FER: variants seen among roughly 807,000 people sequenced by gnomAD.
FER encodes tyrosine-protein kinase Fer.
A neutral mutation model predicts 111.0 loss-of-function variants in FER; 63 were observed. The observed-to-expected ratio is 0.57, with a 90% CI of 0.46 to 0.70. The LOEUF (loss-of-function observed/expected upper bound fraction) is 0.70, where lower values mean the gene tolerates loss of function less well. Among genes scored for constraint, FER ranks in the 30% least tolerant of loss-of-function variants. The pLI, the probability that FER is intolerant of heterozygous loss-of-function variation, is 0.00. For missense variants in FER, 914 were observed against 954.0 expected (o/e 0.96, Z 0.55); for synonymous variants, 327 against 313.9 (o/e 1.04, Z -0.44).
chr5:108,847,090 G>A (rs555730193), intron 5 of FER, among the ~76,000 whole-genome samples: 1 of 150,158 alleles, frequency 6.7e-6, no homozygotes, highest in Admixed American at 6.6e-5. Context: ...GGAAGCTGAG[G>A]TCATTGATTT....
intron 1 of FER, among the ~76,000 whole-genome samples, chr5:108,756,866 A>G (rs1310174000): frequency 1.3e-5 from 2 of 152,184 alleles, no homozygotes; most frequent in Non-Finnish European, 2.9e-5. Flanking sequence ...GTTTCTGTCA[A>G]TATAAGTCTT....
intron 17 of FER, among the ~76,000 whole-genome samples, chr5:109,140,461 G>T (rs138156794): frequency 1.3e-5 from 2 of 152,252 alleles, no homozygotes; most frequent in East Asian, 3.9e-4. Context: ...GTGGTGTGTT[G>T]CTATGAGCCC....
chr5:108,972,663 A>T (rs1447810092), intron 13 of FER, among the ~76,000 whole-genome samples: 1 of 152,150 alleles, frequency 6.6e-6, no homozygotes, highest in East Asian at 1.9e-4. Flanking sequence ...TGTAATATAC[A>T]TTCAGTAAAT....
chr5:109,117,343 A>T (rs532219820), intron 17 of FER, among the ~76,000 whole-genome samples: 14 of 152,172 alleles, frequency 9.2e-5, no homozygotes, highest in African/African-American at 3.4e-4. Context: ...AATTCTCTAC[A>T]CCCTATAATT....
chr5:108,880,307 T>G (rs556240281), intron 8 of FER, among the ~76,000 whole-genome samples: 3 of 152,242 alleles, frequency 2.0e-5, no homozygotes, highest in African/African-American at 7.2e-5. Context: ...AGGCTTTTTA[T>G]TAAATTCAGC....
chr5:109,014,742 T>G (rs1426333994), intron 13 of FER: 1 of 152,216 alleles, frequency 6.6e-6, no homozygotes, highest in Non-Finnish European at 1.5e-5. Context: ...TTTGTTTGTA[T>G]CCTCTTTTAT....
At chr5:109,126,361 A>G (rs1233502399) in intron 17 of FER, among the ~76,000 whole-genome samples, 1 of 151,866 alleles carries the variant, frequency 6.6e-6, no homozygotes, top group Non-Finnish European at 1.5e-5. Context: ...CAGGAGCAAT[A>G]CTCTTTTGCT....
chr5:108,978,403 T>A (rs1761641403), intron 13 of FER, among the ~76,000 whole-genome samples: 1 of 152,208 alleles, frequency 6.6e-6, no homozygotes, highest in Admixed American at 6.5e-5. Flanking sequence ...GGTCTGTTAT[T>A]TCATACCTTT....
At chr5:109,059,858 T>C (rs954581359) in intron 16 of FER, among the ~76,000 whole-genome samples, 1 of 152,216 alleles carries the variant, frequency 6.6e-6, no homozygotes, top group Admixed American at 6.5e-5. Flanking sequence ...AAAACCTCTG[T>C]CCGTGCAAAT....
At position 108,936,761 on chromosome 5, in the gene FER, A is replaced by G. The variant is rs563983724; in HGVS notation, c.1237-9369A>G. ...CTTTCTTGAACTTGTTTTATTAAGA[A>G]GTTAAATATTCTCTGTATTAACACT... On this transcript the variant is annotated intron_variant, in intron 10 of 19. Transcript: ENST00000281092. Among the ~76,000 whole-genome samples, 3 of 152,182 alleles carry G rather than the reference A, an allele frequency of 2.0e-5. No homozygotes were observed. In the East Asian group the frequency reaches 5.8e-4, roughly 29 times the overall value.
intron 10 of FER, among the ~76,000 whole-genome samples, chr5:108,904,838 A>G (rs942707585): frequency 3.3e-5 from 5 of 152,142 alleles, no homozygotes; most frequent in Non-Finnish European, 7.4e-5. Flanking sequence ...TTTGTAGATG[A>G]GTAAATTTTT....
intron 13 of FER, among the ~76,000 whole-genome samples, chr5:109,028,388 T>C (rs1409749615): frequency 3.9e-5 from 6 of 152,214 alleles, no homozygotes; most frequent in Non-Finnish European, 1.5e-5. Flanking sequence ...AAACTTAAAA[T>C]AGAATTTATA....
chr5:109,044,161 T>C (rs999680027), intron 14 of FER, among the ~76,000 whole-genome samples: 14 of 149,902 alleles, frequency 9.3e-5, no homozygotes, highest in African/African-American at 3.5e-4. Context: ...TCTTCTAAAA[T>C]AAATACACTA....
Position 108,867,905 on chromosome 5 carries a change from T to A in FER, c.620T>A (p.Leu207His). The change falls in exon 6 of 20, where the codon CTT becomes CAT. Residue 207 changes from leucine (L) to histidine (H), a missense_variant. Physicochemically the swap from Leu to His is moderately conservative, Grantham distance 99. Around this residue, in one of 3 missense-constraint regions of FER, gnomAD observed 774 missense variants for 782.6 expected, o/e 0.99. Transcript: ENST00000281092. ...TATTATGATATCACACTTCCCCTGCTTCTGGACTCCTTACAAAAGATGCAA... is the reference window on the plus strand; with the variant it reads ...TATTATGATATCACACTTCCCCTGCATCTGGACTCCTTACAAAAGATGCAA... ...NQYYDITLPLLLDSLQKMQEE... is the reference protein window; with the variant it reads ...NQYYDITLPLHLDSLQKMQEE... 1 of 1,612,874 alleles carries A rather than the reference T, an allele frequency of 6.2e-7. No individual in the cohort carries two copies. The highest frequency in any genetic ancestry group is 8.5e-7 in the Non-Finnish European group (1 of 1,179,410).
intron 1 of FER, among the ~76,000 whole-genome samples, chr5:108,760,896 T>C (rs56195269): frequency 0.022 from 3,332 of 152,274 alleles, 117 homozygotes; most frequent in African/African-American, 0.077. Flanking sequence ...TGTGGGTGTT[T>C]GGTTCAAGAG....
chr5:108,950,067 T>TAGAA (rs937028678), intron 11 of FER, among the ~76,000 whole-genome samples: 5 of 152,080 alleles, frequency 3.3e-5, no homozygotes, highest in African/African-American at 9.6e-5. Flanking sequence ...GCAGAATTGT[T>TAGAA]AGAAAGAAAG....
chr5:109,008,616 C>T (rs1316273379), intron 13 of FER, among the ~76,000 whole-genome samples: 1 of 152,060 alleles, frequency 6.6e-6, no homozygotes, highest in African/African-American at 2.4e-5. Context: ...GTATCATTTT[C>T]TCTGCTTTAA....
chr5:109,053,727 C>G (rs1251637058), intron 16 of FER, among the ~76,000 whole-genome samples: 1 of 134,654 alleles, frequency 7.4e-6, no homozygotes, highest in South Asian at 2.3e-4. Context: ...GAATCTCGCT[C>G]TCGCCCAGGC....
intron 8 of FER, among the ~76,000 whole-genome samples, chr5:108,879,697 A>ATATATATATATATAT (rs1554084588): frequency 1.0e-4 from 10 of 96,036 alleles, no homozygotes; most frequent in African/African-American, 2.5e-4. Flanking sequence ...TTAGATTAAA[A>ATATATATATATATAT]AAAAATATAT....
Sources: allele counts gnomAD v4.1 joint callset (sites outside exome capture counted in the v4.1 genomes callset), GRCh38; gene constraint gnomAD v4.1.1; regional missense constraint gnomAD v4.1.1; transcripts MANE v1.5; gene names NCBI Gene and HGNC (gene_info 2026-07-23, HGNC 2026-07-21).